Variants in DPYD observed in about 807,000 individuals in gnomAD.
The protein encoded by DPYD is dihydropyrimidine dehydrogenase, also known as dihydropyrimidine dehydrogenase [NADP(+)].
In DPYD, 109 loss-of-function variants were observed where a neutral mutation model predicts 116.2. The ratio of observed to expected loss-of-function variants is 0.94; its 90% CI spans 0.80 to 1.10. The LOEUF (loss-of-function observed/expected upper bound fraction) is 1.10, where lower values mean the gene tolerates loss of function less well. Among genes scored for constraint, DPYD ranks in the 50% least tolerant of loss-of-function variants. DPYD has a pLI of 0.00. For synonymous variants in DPYD, 440 were observed against 432.0 expected, an observed-to-expected ratio of 1.02 and a Z score of -0.23; for missense variants, 1,302 against 1,254.5, an observed-to-expected ratio of 1.04 and a Z score of -0.57.
At chr1:97,572,152 T>TA (rs1189843846) in intron 11 of DPYD, among the ~76,000 whole-genome samples, 1 of 151,966 alleles carries the variant, frequency 6.6e-6, no homozygotes, top group Non-Finnish European at 1.5e-5. Context: ...AGAGGTGGCA[T>TA]ATGTGAAGTA....
chr1:97,506,908 C>A (rs913125765), intron 13 of DPYD, among the ~76,000 whole-genome samples: 1 of 152,040 alleles, frequency 6.6e-6, no homozygotes, highest in Non-Finnish European at 1.5e-5. Flanking sequence ...GGTATGATTG[C>A]GAACAGAGAC....
At chr1:97,540,380 AAC>A (rs1017532352) in intron 12 of DPYD, among the ~76,000 whole-genome samples, 10 of 150,660 alleles carry the variant, frequency 6.6e-5, no homozygotes, top group African/African-American at 2.2e-4. Context: ...AACAAAACAA[AAC>A]AAAACAAAAC....
intron 20 of DPYD, among the ~76,000 whole-genome samples, chr1:97,174,255 G>A (rs1657093969): frequency 6.6e-6 from 1 of 152,104 alleles, no homozygotes; most frequent in South Asian, 2.1e-4. Context: ...TGTTAACGGA[G>A]GCTGCAGGCA....
chr1:97,105,741 C>A (rs183856731), intron 20 of DPYD, among the ~76,000 whole-genome samples: 94 of 152,202 alleles, frequency 6.2e-4, no homozygotes, highest in Non-Finnish European at 9.4e-4. Flanking sequence ...GGACGACATG[C>A]ACAAACAATC....
chr1:97,240,799 C>A (rs1223594842), intron 18 of DPYD, among the ~76,000 whole-genome samples: 3 of 142,482 alleles, frequency 2.1e-5, no homozygotes, highest in South Asian at 2.5e-4. Context: ...AATGAACCAC[C>A]AACAAATTTA....
chr1:97,431,264 A>C (rs1675163018), intron 14 of DPYD, among the ~76,000 whole-genome samples: 1 of 152,106 alleles, frequency 6.6e-6, no homozygotes. Flanking sequence ...ATATTGGTAG[A>C]ATAAAAAGAA....
chr1:97,252,465 A>G (rs1224817209), intron 18 of DPYD, among the ~76,000 whole-genome samples: 3 of 152,138 alleles, frequency 2.0e-5, no homozygotes, highest in Non-Finnish European at 4.4e-5. Flanking sequence ...TCCAATTTAT[A>G]TTGTTGACAT....
chr1:97,653,755 G>C (rs1658729197), intron 8 of DPYD, among the ~76,000 whole-genome samples: 1 of 151,686 alleles, frequency 6.6e-6, no homozygotes, highest in Admixed American at 6.6e-5. Flanking sequence ...TATAGGGAAG[G>C]GTCTGCAATA....
At chr1:97,650,968 T>C (rs1658548285) in intron 8 of DPYD, among the ~76,000 whole-genome samples, 1 of 152,122 alleles carries the variant, frequency 6.6e-6, no homozygotes, top group Non-Finnish European at 1.5e-5. Flanking sequence ...TGTTCAATCA[T>C]AAAATGATAG....
At chr1:97,478,865 C>T (rs1197461031) in intron 13 of DPYD, among the ~76,000 whole-genome samples, 4 of 152,218 alleles carry the variant, frequency 2.6e-5, no homozygotes, top group Non-Finnish European at 4.4e-5. Context: ...TCTACATCAG[C>T]ACTTGCTGCT....
chr1:97,898,695 T>A (rs1306277279), intron 1 of DPYD, among the ~76,000 whole-genome samples: 2 of 151,942 alleles, frequency 1.3e-5, no homozygotes, highest in African/African-American at 4.8e-5. Flanking sequence ...ACTGTAATAA[T>A]CCCCATGTCA....
chr1:97,904,945 G>A (rs1571562114), intron 1 of DPYD, among the ~76,000 whole-genome samples: 1 of 152,016 alleles, frequency 6.6e-6, no homozygotes, highest in South Asian at 2.1e-4. Flanking sequence ...TAATAGCAAG[G>A]GCACCTGCAT....
At position 97,184,954 on chromosome 1, in the gene DPYD, C is replaced by G. The variant is rs1411427487; in HGVS notation, c.2622+8115G>C. On this transcript the variant is annotated intron_variant, in intron 20 of 22. Transcript: ENST00000370192. ...AGTAGAAAGAATGGACATTCTTGCC[C>G]AGCTCTTGATCTTAAGAGAAAATAA... 2.6e-5 allele frequency among the ~76,000 whole-genome samples: 4 copies of G among 152,034 alleles called. No homozygotes were observed. The East Asian group carries it at 7.7e-4, about 29-fold the overall frequency.
intron 1 of DPYD, among the ~76,000 whole-genome samples, chr1:97,895,655 G>A (rs1673022304): frequency 6.6e-6 from 1 of 151,702 alleles, no homozygotes. Flanking sequence ...AAGGATCAGA[G>A]TAGAGCAAGG....
At chr1:97,851,877 A>AGCTTGCATCTTT (rs1379046385) in intron 2 of DPYD, among the ~76,000 whole-genome samples, 1 of 152,004 alleles carries the variant, frequency 6.6e-6, no homozygotes, top group African/African-American at 2.4e-5. Context: ...AAATGCTTAA[A>AGCTTGCATCTTT]GCTTGCATCT....
At chr1:97,496,688 G>A (rs1296202231) in intron 13 of DPYD, among the ~76,000 whole-genome samples, 1 of 151,836 alleles carries the variant, frequency 6.6e-6, no homozygotes, top group Non-Finnish European at 1.5e-5. Flanking sequence ...CAACTGTTTG[G>A]TATCATCTTT....
chr1:97,829,976 C>T (rs1669450593), intron 2 of DPYD, among the ~76,000 whole-genome samples: 1 of 151,858 alleles, frequency 6.6e-6, no homozygotes, highest in South Asian at 2.1e-4. Context: ...TCAATTCTCA[C>T]CTATGAGTGA....
chr1:97,130,711 CCT>C (rs201031721), intron 20 of DPYD, among the ~76,000 whole-genome samples: 2,728 of 135,924 alleles, frequency 0.02, 64 homozygotes, highest in African/African-American at 0.047. Context: ...TCCCTCTCTC[CCT>C]CTCTCTTTCT....
chr1:97,783,496 G>C (rs1015633589), intron 3 of DPYD, among the ~76,000 whole-genome samples: 4 of 151,846 alleles, frequency 2.6e-5, no homozygotes, highest in Admixed American at 6.6e-5. Flanking sequence ...CTGGATTCAA[G>C]TGATTCTCTC....
Sources: allele counts gnomAD v4.1 joint callset (sites outside exome capture counted in the v4.1 genomes callset), GRCh38; gene constraint gnomAD v4.1.1; transcripts MANE v1.5; gene names NCBI Gene and HGNC (gene_info 2026-07-23, HGNC 2026-07-21).